Variants in UBE2V2 observed in about 807,000 individuals in gnomAD.
UBE2V2 encodes the protein ubiquitin-conjugating enzyme E2 variant 2.
A neutral mutation model predicts 17.2 loss-of-function variants in UBE2V2; 9 were observed. The observed-to-expected ratio is 0.52, with a 90% CI of 0.32 to 0.91. The LOEUF (loss-of-function observed/expected upper bound fraction) is 0.91. Among genes scored for constraint, UBE2V2 ranks in the 40% least tolerant of loss-of-function variants. The pLI is 0.04. For synonymous variants in UBE2V2, 61 were observed against 57.5 expected (o/e 1.06, Z -0.28); for missense variants, 133 against 182.6 (o/e 0.73, Z 1.56).
chr8:48,036,776 T>C (rs926571277), intron 1 of UBE2V2, among the ~76,000 whole-genome samples: 1 of 152,178 alleles, frequency 6.6e-6, no homozygotes, highest in Non-Finnish European at 1.5e-5. Context: ...CATAATATTT[T>C]ACATATTTTG....
chr8:48,055,973 T>C (rs1027209023), intron 3 of UBE2V2, among the ~76,000 whole-genome samples: 1 of 152,092 alleles, frequency 6.6e-6, no homozygotes, highest in Non-Finnish European at 1.5e-5. Context: ...TTAGCCAGGA[T>C]GGTCTGTATC....
At chr8:48,005,881 C>A (rs1461965977), upstream of UBE2V2, among the ~76,000 whole-genome samples, 1 of 152,024 alleles carries the variant, frequency 6.6e-6, no homozygotes, top group Non-Finnish European at 1.5e-5. Flanking sequence ...TCTTGTAAAT[C>A]TGTTTAAGTT....
intron 3 of UBE2V2, among the ~76,000 whole-genome samples, chr8:48,060,209 C>CAAAA (rs557515958): frequency 1.1e-4 from 5 of 43,824 alleles, no homozygotes; most frequent in Non-Finnish European, 1.5e-4. Context: ...GACTCTGTCT[C>CAAAA]AAAAAAAAAA....
chr8:48,015,437 G>T lies in UBE2V2; in HGVS notation c.16+6967G>T, dbSNP rs1005570682. 6.6e-5 allele frequency among the ~76,000 whole-genome samples: 10 copies of T among 152,154 alleles called. 1 individual carries two copies. The highest frequency in any genetic ancestry group is 1.3e-4 in the Non-Finnish European group (9 of 68,018). ...TTTTGAAGTACATTATCTGTACATT[G>T]TGGAATGGTTAAATCTAGCTAATTA... On this transcript the variant is annotated intron_variant, in intron 1 of 3. Coordinates refer to ENST00000523111, the MANE Select transcript of UBE2V2 (RefSeq NM_003350.3).
At chr8:48,055,189 AGTTT>A (rs1454694380) in intron 3 of UBE2V2, among the ~76,000 whole-genome samples, 1 of 146,696 alleles carries the variant, frequency 6.8e-6, no homozygotes, top group Non-Finnish European at 1.5e-5. Context: ...TCTTTTAGTT[AGTTT>A]CTTTTCCTTT....
chr8:48,041,664 A>G (rs1218445010), intron 1 of UBE2V2: 2 of 152,228 alleles, frequency 1.3e-5, no homozygotes, highest in African/African-American at 2.4e-5. Context: ...CATATACACG[A>G]AAGCAAAAAA....
At chr8:47,999,081 G>A in the UBE2V2 span, among the ~76,000 whole-genome samples, 1 of 152,166 alleles carries the variant, frequency 6.6e-6, no homozygotes, top group Non-Finnish European at 1.5e-5. Context: ...GCTTATCGCA[G>A]CAAGGTCTGA....
upstream of UBE2V2, among the ~76,000 whole-genome samples, chr8:48,004,507 C>T (rs1343257896): frequency 1.2e-4 from 17 of 147,378 alleles, no homozygotes; most frequent in African/African-American, 3.2e-4. Flanking sequence ...TTTATTTCCT[C>T]TTCTGTTTTT....
chr8:48,055,251 G>A (rs749736686), intron 3 of UBE2V2, among the ~76,000 whole-genome samples: 2 of 148,370 alleles, frequency 1.3e-5, no homozygotes, highest in Non-Finnish European at 3.0e-5. Flanking sequence ...CCAGGGTAGA[G>A]TGCAATGGTG....
rs1239008610 is a variant in UBE2V2, at chr8:48,061,448, G to A, written c.*620G>A. On this transcript the variant is annotated 3_prime_UTR_variant, in exon 4 of 4. Coordinates refer to ENST00000523111, the MANE Select transcript of UBE2V2 (RefSeq NM_003350.3). Reference sequence around the variant, plus strand: ...TGGTAAATATTTGTTTACAGTCTTTGTTTAACAAACCATGCATTTAAGTTT... The same window carrying A: ...TGGTAAATATTTGTTTACAGTCTTTATTTAACAAACCATGCATTTAAGTTT... The A allele has an allele frequency of 6.6e-6, 1 of 152,572 alleles. No homozygotes were observed. The highest frequency in any genetic ancestry group is 6.6e-5 in the Admixed American group (1 of 15,260). The allele number at this position is 152,572 out of a possible 1,614,324, so 9.5% of individuals were successfully genotyped here. A position where few individuals can be genotyped will look rare whatever the true frequency, so the allele number is the denominator to read the frequency against.
intron 3 of UBE2V2, among the ~76,000 whole-genome samples, chr8:48,051,443 A>G (rs764666582): frequency 2.0e-5 from 3 of 152,042 alleles, no homozygotes; most frequent in Non-Finnish European, 4.4e-5. Flanking sequence ...TGTACTACAA[A>G]TGTATCACAT....
intron 1 of UBE2V2, among the ~76,000 whole-genome samples, chr8:48,019,595 T>C (rs959116748): frequency 4.0e-5 from 6 of 151,316 alleles, no homozygotes; most frequent in Non-Finnish European, 7.4e-5. Context: ...GGCTGGCGGA[T>C]CATGAGGTTA....
chr8:48,033,058 AGTACAAG>A (rs1415170110), intron 1 of UBE2V2, among the ~76,000 whole-genome samples: 2 of 152,172 alleles, frequency 1.3e-5, no homozygotes, highest in Non-Finnish European at 2.9e-5. Flanking sequence ...TACCATCCAG[AGTACAAG>A]ACAGAGTAAA....
chr8:48,005,368 A>G (rs1454569772), upstream of UBE2V2, among the ~76,000 whole-genome samples: 2 of 152,290 alleles, frequency 1.3e-5, no homozygotes, highest in East Asian at 1.9e-4. Flanking sequence ...TTATGGCTGC[A>G]TAGTATTCCA....
chr8:48,048,337 C>T (rs1330023587), intron 2 of UBE2V2, among the ~76,000 whole-genome samples: 1 of 152,176 alleles, frequency 6.6e-6, no homozygotes, highest in East Asian at 1.9e-4. Flanking sequence ...GTGTTTATCA[C>T]TTCTTTTTAT....
At chr8:48,008,802 G>GT in intron 1 of UBE2V2, among the ~76,000 whole-genome samples, 1 of 152,154 alleles carries the variant, frequency 6.6e-6, no homozygotes, top group African/African-American at 2.4e-5. Flanking sequence ...GAGGCCCAAG[G>GT]TGGGCGGGTG....
chr8:48,042,428 ATTTGAAC>A (rs1284819616), intron 1 of UBE2V2: 1 of 152,086 alleles, frequency 6.6e-6, no homozygotes, highest in African/African-American at 2.4e-5. Context: ...TTGCACCATT[ATTTGAAC>A]TTTGATGTGT....
intron 1 of UBE2V2, among the ~76,000 whole-genome samples, chr8:48,008,925 G>A (rs2091206531): frequency 6.6e-6 from 1 of 152,208 alleles, no homozygotes; most frequent in African/African-American, 2.4e-5. Context: ...TCCTTGACAT[G>A]GGTTGGGGAG....
At chr8:48,037,005 C>T (rs926396075) in intron 1 of UBE2V2, among the ~76,000 whole-genome samples, 1 of 151,992 alleles carries the variant, frequency 6.6e-6, no homozygotes, top group South Asian at 2.1e-4. Context: ...ATGGCGAAAC[C>T]CCGTCTCTAC....
Sources: gnomAD v4.1 joint callset for allele counts (sites outside exome capture counted in the v4.1 genomes callset) on GRCh38, gnomAD v4.1.1 for gene constraint, MANE v1.5 for transcripts, NCBI Gene and HGNC (gene_info 2026-07-23, HGNC 2026-07-21) for gene names.